The following MTRR variants were observed in gnomAD, a reference collection of about 807,000 sequenced individuals.
MTRR encodes 5-methyltetrahydrofolate-homocysteine methyltransferase reductase.
Under a neutral mutation model 79.2 loss-of-function variants are expected in MTRR, and 63 were observed. The ratio of observed to expected loss-of-function variants is 0.80; its 90% CI spans 0.65 to 0.98. The LOEUF (loss-of-function observed/expected upper bound fraction) is 0.98. Among genes scored for constraint, MTRR ranks in the 50% least tolerant of loss-of-function variants. The probability of loss-of-function intolerance (pLI) is 0.00; values close to 1 mark genes in which losing one functional copy is unlikely to be tolerated. For synonymous variants in MTRR, 355 were observed against 313.3 expected (o/e 1.13, Z -1.41); for missense variants, 895 against 839.6 (o/e 1.07, Z -0.82).
chr5:7,861,076 A>T, intron 1 of MTRR: 1 of 941,232 alleles, frequency 1.1e-6, no homozygotes, highest in Non-Finnish European at 1.6e-6. Context: ...ATTACTTTTT[A>T]AAAGTAACCT....
chr5:7,887,832 G>GTATATAT (rs569354527), intron 8 of MTRR, among the ~76,000 whole-genome samples: 26 of 17,674 alleles, frequency 1.5e-3, no homozygotes, highest in Admixed American at 1.4e-3. Flanking sequence ...ATATATATAT[G>GTATATAT]GGTTTTTTCA....
chr5:7,874,800 G>A (rs1048896808), intron 3 of MTRR, among the ~76,000 whole-genome samples: 7 of 152,078 alleles, frequency 4.6e-5, no homozygotes, highest in African/African-American at 1.4e-4. Context: ...TGAATAATAT[G>A]TACACAAGTG....
chr5:7,869,028 T>A (rs758880942), upstream of MTRR: 5 of 1,357,590 alleles, frequency 3.7e-6, no homozygotes, highest in Non-Finnish European at 5.2e-6. Flanking sequence ...CGCCTGGGCG[T>A]CGTGGGCCTC....
chr5:7,896,643 C>T (rs1482378908), intron 12 of MTRR: 8 of 593,640 alleles, frequency 1.3e-5, no homozygotes, highest in Admixed American at 3.0e-5. Flanking sequence ...TTGTGTATGT[C>T]GGATGTAGCT....
At chr5:7,866,788 C>A (rs140517837), upstream of MTRR, 6,371 of 1,614,138 alleles carry the variant, frequency 3.9e-3, 10 homozygotes, top group Non-Finnish European at 4.9e-3. Context: ...GCACGTTTTC[C>A]AGCTTTCTAA....
At chr5:7,864,401 T>A (rs1746784844), upstream of MTRR, among the ~76,000 whole-genome samples, 1 of 152,164 alleles carries the variant, frequency 6.6e-6, no homozygotes, top group African/African-American at 2.4e-5. Flanking sequence ...GCTCTTGAGA[T>A]AGGAACCTCG....
upstream of MTRR, chr5:7,867,237 A>G: frequency 6.2e-7 from 1 of 1,614,028 alleles, no homozygotes. Context: ...GATAGGGAAA[A>G]GTTGTTTATC....
At position 7,885,943 on chromosome 5, in the gene MTRR, T is replaced by C. The variant is rs1290918808; in HGVS notation, c.1057+89T>C. 3.2e-6 allele frequency: 5 copies of C among 1,567,172 alleles called. No individual in the cohort carries two copies. The African/African-American group carries it at 4.1e-5, about 13-fold the overall frequency. On this transcript the variant is annotated intron_variant, in intron 7 of 14. Coordinates refer to ENST00000440940, the MANE Select transcript of MTRR (RefSeq NM_002454.3). Reference sequence around the variant, plus strand: ...AGTGTGGCTCTAAGGTTCAGGGTCCTGTGTGTTGGCCGCACAGATGCCTGG... The same window carrying C: ...AGTGTGGCTCTAAGGTTCAGGGTCCCGTGTGTTGGCCGCACAGATGCCTGG...
chr5:7,857,091 A>G (rs1327090207), intron 1 of MTRR, among the ~76,000 whole-genome samples: 1 of 152,214 alleles, frequency 6.6e-6, no homozygotes, highest in East Asian at 1.9e-4. Context: ...CCCAAAGACT[A>G]TCACTGTTGC....
chr5:7,896,844 C>T lies in MTRR; in HGVS notation c.1677-20C>T. 8.1e-7 allele frequency: 1 copy of T among 1,238,064 alleles called. No individual in the cohort carries two copies. The highest frequency in any genetic ancestry group is 1.4e-5 in the South Asian group (1 of 71,144). 76.7% of individuals were successfully genotyped at this position (1,238,064 alleles called of 1,614,324 possible). ...ATATTCTTTATATCACACACCTAAA[C>T]TTTTTTTTTTTCCACTTAGAGAGAA... On this transcript the variant is annotated intron_variant, in intron 12 of 14. Transcript: ENST00000440940.
upstream of MTRR, among the ~76,000 whole-genome samples, chr5:7,865,593 A>C (rs998333783): frequency 6.6e-6 from 1 of 152,224 alleles, no homozygotes; most frequent in South Asian, 2.1e-4. Context: ...TGGGAAACCT[A>C]GTAGTAAACC....
Position 7,896,765 on chromosome 5 carries a change from C to T in MTRR, c.1677-99C>T, listed in dbSNP as rs1738587891. 4 of 934,596 alleles carry T rather than the reference C, an allele frequency of 4.3e-6. No homozygotes were observed. The Admixed American group carries it at 5.7e-5, about 13-fold the overall frequency. The allele number at this position is 934,596 out of a possible 1,614,324, so 57.9% of individuals were successfully genotyped here. A position where few individuals can be genotyped will look rare whatever the true frequency, so the allele number is the denominator to read the frequency against. On this transcript the variant is annotated intron_variant, in intron 12 of 14. Coordinates refer to ENST00000440940, the MANE Select transcript of MTRR (RefSeq NM_002454.3). ...TGTTCAAATGCAGAGATGGATTTTA[C>T]AAATCCGTCTGAGTTTGTTGGTGGT...
At position 7,899,956 on chromosome 5, in the gene MTRR, G is replaced by A; in HGVS notation, c.1995G>A (p.Val665=). 6.2e-7 allele frequency: 1 copy of A among 1,614,150 alleles called. No individual in the cohort carries two copies. The highest frequency in any genetic ancestry group is 8.5e-7 in the Non-Finnish European group (1 of 1,180,024). The change falls in exon 15 of 15, where the codon GTG becomes GTA. Residue 665 remains valine (V), a synonymous_variant. Transcript: ENST00000440940. ...CCAAGGATGTACATGATGCCCTTGT[G>A]CAAATAATAAGCAAAGAGGTTGGAG... is the stretch of plus-strand genomic sequence containing the variant. The part of the protein sequence containing the change: ...NMAKDVHDAL[V]QIISKEVGVE...
At chr5:7,868,149 G>A (rs1579566875), upstream of MTRR, 3 of 721,336 alleles carry the variant, frequency 4.2e-6, no homozygotes, top group East Asian at 8.4e-5. Flanking sequence ...AATACATTGA[G>A]AACATGATTG....
chr5:7,859,574 C>G (rs1305362787), intron 1 of MTRR: 2 of 1,355,946 alleles, frequency 1.5e-6, no homozygotes, highest in Non-Finnish European at 2.1e-6. Context: ...GGTCAAGATC[C>G]TTCAAAATCT....
chr5:7,869,331 G>T (rs1237163883), intron 1 of MTRR, 116 bp downstream of exon 1: 3 of 1,258,404 alleles, frequency 2.4e-6, no homozygotes, highest in Admixed American at 2.0e-5. Flanking sequence ...TGGTTCCCAC[G>T]CCCTTCGGCC....
chr5:7,875,149 CA>C, intron 3 of MTRR, 108 bp from the exon 4 acceptor site: 1 of 806,428 alleles, frequency 1.2e-6, no homozygotes, highest in Non-Finnish European at 2.2e-6. Flanking sequence ...ATTATTACTC[CA>C]TCCATAAGAG....
chr5:7,895,680 A>T, intron 11 of MTRR, 54 bp from the exon 12 acceptor site: 1 of 1,603,714 alleles, frequency 6.2e-7, no homozygotes, highest in South Asian at 1.1e-5. Context: ...TCTTGATTAT[A>T]TACTCTTGCC....
At chr5:7,890,484 T>A in intron 9 of MTRR, 1 of 905,844 alleles carries the variant, frequency 1.1e-6, no homozygotes, top group South Asian at 5.1e-5. Flanking sequence ...TTTCGTAGAT[T>A]TTTTGTTACC....
Sources: gnomAD v4.1 joint callset for allele counts (sites outside exome capture counted in the v4.1 genomes callset) on GRCh38, gnomAD v4.1.1 for gene constraint, MANE v1.5 for transcripts, NCBI Gene and HGNC (gene_info 2026-07-23, HGNC 2026-07-21) for gene names.